HIVEP3: variants seen among roughly 807,000 people sequenced by gnomAD.
HIVEP3 encodes HIVEP zinc finger 3, also known as transcription factor HIVEP3.
A neutral mutation model predicts 152.8 loss-of-function variants in HIVEP3; 49 were observed. The ratio of observed to expected loss-of-function variants is 0.32; its 90% CI spans 0.26 to 0.41. The LOEUF is 0.41. HIVEP3 is among the 10% of genes least tolerant of loss of function. The probability of loss-of-function intolerance (pLI) is 1.00; values close to 1 mark genes in which losing one functional copy is unlikely to be tolerated. For missense variants in HIVEP3, 2,790 were observed against 3,103.3 expected (o/e 0.90, Z 2.40); for synonymous variants, 1,269 against 1,289.0 (o/e 0.98, Z 0.33).
intron 1 of HIVEP3, among the ~76,000 whole-genome samples, chr1:42,025,289 A>G (rs1645575751): frequency 6.6e-6 from 1 of 152,148 alleles, no homozygotes; most frequent in Non-Finnish European, 1.5e-5. Flanking sequence ...ATTTTGTCAT[A>G]TGTGCTGTCT....
At chr1:41,955,718 G>C (rs1397917174) in intron 1 of HIVEP3, among the ~76,000 whole-genome samples, 1 of 152,180 alleles carries the variant, frequency 6.6e-6, no homozygotes, top group Non-Finnish European at 1.5e-5. Flanking sequence ...AATAATGAAC[G>C]TGTGACTCAG....
intron 1 of HIVEP3, among the ~76,000 whole-genome samples, chr1:41,798,080 A>C (rs1650084773): frequency 6.6e-6 from 1 of 152,176 alleles, no homozygotes; most frequent in African/African-American, 2.4e-5. Flanking sequence ...ATAGGTGGGA[A>C]TTGAACAATG....
At chr1:41,562,507 C>A (rs148785804) in intron 5 of HIVEP3, among the ~76,000 whole-genome samples, 1 of 151,688 alleles carries the variant, frequency 6.6e-6, no homozygotes, top group Non-Finnish European at 1.5e-5. Context: ...CTTCCTTCCT[C>A]TCTTTCTCCT....
At chr1:41,860,700 CT>C (rs372627943) in intron 1 of HIVEP3, among the ~76,000 whole-genome samples, 15 of 152,324 alleles carry the variant, frequency 9.8e-5, no homozygotes, top group African/African-American at 3.1e-4. Context: ...ATATTTCCCC[CT>C]AATATCTCCA....
chr1:41,704,380 GA>G (rs1570355945), intron 1 of HIVEP3, among the ~76,000 whole-genome samples: 1 of 152,264 alleles, frequency 6.6e-6, no homozygotes, highest in Admixed American at 6.5e-5. Flanking sequence ...GTGGAGGCGA[GA>G]CAGCTGCTTA....
chr1:41,817,862 C>T (rs1642458788), intron 1 of HIVEP3, among the ~76,000 whole-genome samples: 2 of 152,174 alleles, frequency 1.3e-5, no homozygotes, highest in South Asian at 4.1e-4. Context: ...TGACTGAGTG[C>T]AGAACTGCCC....
chr1:41,936,926 A>G (rs1570825919), intron 1 of HIVEP3, among the ~76,000 whole-genome samples: 1 of 152,224 alleles, frequency 6.6e-6, no homozygotes, highest in African/African-American at 2.4e-5. Flanking sequence ...CCAGTATTAG[A>G]TCATTCTCCC....
rs1647314542 is a variant in HIVEP3, at chr1:41,756,493, G to A, written c.-800-55498C>T. Among the ~76,000 whole-genome samples the A allele has an allele frequency of 2.0e-5, 3 of 152,052 alleles. No homozygotes were observed. The South Asian group carries it at 6.2e-4, about 32-fold the overall frequency. ...TCCACTTTTACAAACTTATCCTAAG[G>A]TAATATTAAAAAGGCACCAAAGAGC... On this transcript the variant is annotated intron_variant, in intron 1 of 8. Coordinates refer to ENST00000372583, the MANE Select transcript of HIVEP3 (RefSeq NM_024503.5).
At chr1:41,951,543 T>C (rs1406226754) in intron 1 of HIVEP3, among the ~76,000 whole-genome samples, 1 of 152,226 alleles carries the variant, frequency 6.6e-6, no homozygotes, top group Non-Finnish European at 1.5e-5. Flanking sequence ...ACTTACTATA[T>C]GTGCACTTGG....
intron 1 of HIVEP3, among the ~76,000 whole-genome samples, chr1:41,787,226 G>A (rs771076400): frequency 3.3e-5 from 5 of 152,120 alleles, no homozygotes; most frequent in Admixed American, 1.3e-4. Context: ...CATGCACTAC[G>A]CCGCAACAGT....
At chr1:41,917,604 C>G (rs1009455377) in intron 1 of HIVEP3, among the ~76,000 whole-genome samples, 2 of 152,362 alleles carry the variant, frequency 1.3e-5, no homozygotes, top group African/African-American at 2.4e-5. Context: ...CTCTGCACCA[C>G]TGCCACACTC....
At chr1:41,599,914 A>G (rs1265358324) in intron 3 of HIVEP3, among the ~76,000 whole-genome samples, 1 of 152,238 alleles carries the variant, frequency 6.6e-6, no homozygotes, top group Non-Finnish European at 1.5e-5. Flanking sequence ...AAGGACTTGA[A>G]GAGACGTTTC....
chr1:41,712,882 A>G lies in HIVEP3; in HGVS notation c.-800-11887T>C, dbSNP rs79973157. On this transcript the variant is annotated intron_variant, in intron 1 of 8. Transcript: ENST00000372583. ...TCACCTCCTTCCTGGCCAGTTGCCC[A>G]TGCTGGCCTCAGGCAGTGGAGCCTG... is the stretch of plus-strand genomic sequence containing the variant. 0.021 allele frequency among the ~76,000 whole-genome samples: 3,243 copies of G among 152,292 alleles called. 171 individuals carry two copies. The East Asian group carries it at 0.22, about 10-fold the overall frequency.
chr1:41,767,510 G>T (rs1279735694), intron 1 of HIVEP3, among the ~76,000 whole-genome samples: 4 of 152,186 alleles, frequency 2.6e-5, no homozygotes, highest in African/African-American at 9.6e-5. Flanking sequence ...GGCCCCACCA[G>T]TTCTGATACT....
At chr1:41,844,454 T>C (rs139420898) in intron 1 of HIVEP3, among the ~76,000 whole-genome samples, 1 of 152,268 alleles carries the variant, frequency 6.6e-6, no homozygotes, top group East Asian at 1.9e-4. Flanking sequence ...AAAGGCGCCC[T>C]TCTCCTCCCC....
intron 2 of HIVEP3, among the ~76,000 whole-genome samples, chr1:41,697,142 C>G (rs907365482): frequency 4.6e-5 from 7 of 152,108 alleles, no homozygotes; most frequent in Admixed American, 1.3e-4. Context: ...TTTCCCCAAG[C>G]CTTGCCCCAC....
intron 1 of HIVEP3, among the ~76,000 whole-genome samples, chr1:41,821,762 G>A (rs1387572026): frequency 6.6e-6 from 1 of 152,170 alleles, no homozygotes; most frequent in African/African-American, 2.4e-5. Flanking sequence ...GTCCAGTCTG[G>A]TCCTTTGGCT....
intron 3 of HIVEP3, among the ~76,000 whole-genome samples, chr1:41,614,211 A>G (rs1009323639): frequency 2.6e-5 from 4 of 152,210 alleles, no homozygotes; most frequent in African/African-American, 9.6e-5. Flanking sequence ...ATGGGACGGC[A>G]CTCAATATTC....
At chr1:41,809,903 T>C (rs1650850354) in intron 1 of HIVEP3, among the ~76,000 whole-genome samples, 1 of 152,212 alleles carries the variant, frequency 6.6e-6, no homozygotes, top group African/African-American at 2.4e-5. Flanking sequence ...TTCCTGAAGC[T>C]ATAAATTACT....
Sources: allele counts gnomAD v4.1 joint callset (sites outside exome capture counted in the v4.1 genomes callset), GRCh38; gene constraint gnomAD v4.1.1; transcripts MANE v1.5; gene names NCBI Gene and HGNC (gene_info 2026-07-23, HGNC 2026-07-21).